The following CCDC6 variants were observed in gnomAD, a reference collection of about 807,000 sequenced individuals.
The protein encoded by CCDC6 is coiled-coil domain-containing protein 6.
Under a neutral mutation model 56.6 loss-of-function variants are expected in CCDC6, and 20 were observed. That is an observed-to-expected ratio of 0.35 (90% CI 0.25 to 0.51). The LOEUF is 0.51. CCDC6 is among the 20% of genes least tolerant of loss of function. CCDC6 has a pLI of 0.95. For missense variants in CCDC6, 367 were observed against 601.1 expected (o/e 0.61, Z 4.07); for synonymous variants, 241 against 234.4 (o/e 1.03, Z -0.26).
intron 1 of CCDC6, among the ~76,000 whole-genome samples, chr10:59,889,283 A>C (rs569413633): frequency 6.6e-6 from 1 of 152,190 alleles, no homozygotes; most frequent in Non-Finnish European, 1.5e-5. Context: ...AAAGCATTCT[A>C]TGGGAGGGGC....
chr10:59,897,728 T>C (rs756122835), intron 1 of CCDC6, among the ~76,000 whole-genome samples: 5 of 152,214 alleles, frequency 3.3e-5, no homozygotes, highest in South Asian at 2.1e-4. Flanking sequence ...TGTTCACTTA[T>C]AGAAGCAACA....
At chr10:59,886,920 CTG>C (rs571645417) in intron 1 of CCDC6, among the ~76,000 whole-genome samples, 50 of 152,262 alleles carry the variant, frequency 3.3e-4, no homozygotes, top group African/African-American at 1.2e-3. Context: ...AATGCAAAGA[CTG>C]TACTAATATG....
rs114059894 is a variant in CCDC6, at chr10:59,899,317, C to T, written c.303+6805G>A. 7.9e-3 allele frequency among the ~76,000 whole-genome samples: 1,199 copies of T among 152,264 alleles called. 21 individuals are homozygous for T. Among genetic ancestry groups the T allele is most frequent in the African/African-American group, 0.028 (1,156 of 41,536 alleles). ...GATTGAAAACAAAAAGCAACACCTA[C>T]CCACTAAGGAAAAAAAGTATGCAGA... On this transcript the variant is annotated intron_variant, in intron 1 of 8. Coordinates refer to ENST00000263102, the MANE Select transcript of CCDC6 (RefSeq NM_005436.5).
intron 1 of CCDC6, among the ~76,000 whole-genome samples, chr10:59,869,365 C>A: frequency 9.9e-6 from 1 of 100,908 alleles, no homozygotes; most frequent in Admixed American, 1.6e-4. Context: ...CTGTCCTAAG[C>A]AGTGAGACAT....
At chr10:59,800,209 G>C (rs993312453) in intron 7 of CCDC6, among the ~76,000 whole-genome samples, 1 of 152,132 alleles carries the variant, frequency 6.6e-6, no homozygotes, top group African/African-American at 2.4e-5. Flanking sequence ...ATTGACATTG[G>C]TATAATATTA....
intron 7 of CCDC6, among the ~76,000 whole-genome samples, chr10:59,803,676 A>T (rs544322948): frequency 6.6e-6 from 1 of 152,138 alleles, no homozygotes. Flanking sequence ...TGAGAGCCCC[A>T]TGCCATGCTG....
At chr10:59,838,530 T>C (rs904047015) in intron 2 of CCDC6, among the ~76,000 whole-genome samples, 1 of 152,168 alleles carries the variant, frequency 6.6e-6, no homozygotes, top group Admixed American at 6.5e-5. Context: ...ACTACTCAGT[T>C]GATGTGACAG....
In CCDC6 at chr10:59,792,796, G is replaced by A. The variant is rs2070479845; in HGVS notation, c.*121C>T. On this transcript the variant is annotated 3_prime_UTR_variant, in exon 9 of 9. Transcript: ENST00000263102. ...CATTTACAACACAATGGATAGTGAAGCCTAGATAACCTCAGTGCAAATAAG... is the reference window on the plus strand; with the variant it reads ...CATTTACAACACAATGGATAGTGAAACCTAGATAACCTCAGTGCAAATAAG... The A allele has an allele frequency of 2.0e-6, 2 of 997,854 alleles. No homozygotes were observed. Among genetic ancestry groups the A allele is most frequent in the African/African-American group, 1.6e-5 (1 of 63,422 alleles). The allele number at this position is 997,854 out of a possible 1,614,324, so 61.8% of individuals were successfully genotyped here.
chr10:59,822,348 C>T (rs568879771), intron 3 of CCDC6, among the ~76,000 whole-genome samples: 2 of 152,008 alleles, frequency 1.3e-5, no homozygotes, highest in Admixed American at 6.6e-5. Flanking sequence ...CAGATTAACA[C>T]AGTTTCTAGT....
At chr10:59,887,383 C>T (rs2071389927) in intron 1 of CCDC6, among the ~76,000 whole-genome samples, 1 of 151,484 alleles carries the variant, frequency 6.6e-6, no homozygotes. Context: ...AAATGACCTA[C>T]GTTCAAGGTG....
At chr10:59,825,406 C>A (rs969155399) in intron 3 of CCDC6, among the ~76,000 whole-genome samples, 1 of 152,182 alleles carries the variant, frequency 6.6e-6, no homozygotes, top group Non-Finnish European at 1.5e-5. Flanking sequence ...TGATTGTGGG[C>A]CTTCCCCAGC....
intron 1 of CCDC6, among the ~76,000 whole-genome samples, chr10:59,859,199 C>CGTGTGTGTGTGTGTGTGT (rs66648240): frequency 1.4e-4 from 19 of 137,260 alleles, no homozygotes; most frequent in African/African-American, 4.8e-4. Context: ...CATGTGTGTG[C>CGTGTGTGTGTGTGTGTGT]GTGTGTGTGT....
At chr10:59,864,156 C>G (rs1338110024) in intron 1 of CCDC6, among the ~76,000 whole-genome samples, 1 of 152,148 alleles carries the variant, frequency 6.6e-6, no homozygotes, top group Non-Finnish European at 1.5e-5. Flanking sequence ...GTCCTAAAAG[C>G]AAAGATTCAA....
chr10:59,880,226 G>A (rs1051317489), intron 1 of CCDC6, among the ~76,000 whole-genome samples: 3 of 151,990 alleles, frequency 2.0e-5, no homozygotes, highest in African/African-American at 7.3e-5. Context: ...ATGACACCGA[G>A]AGGACCACAT....
chr10:59,792,972 G>A lies in CCDC6; in HGVS notation c.1370C>T (p.Ala457Val). The stretch of plus-strand genomic sequence containing the variant: ...TTGCGAAGGAGTAGGCTGCGAGGTG[G>A]CTGCTGAGGGGACCGTGGGCTGCAT... ...PPMQPTVPSA[A>V]TSQPTPSQHS... The change falls in exon 9 of 9, where the codon GCC becomes GTC. Residue 457 changes from alanine (A) to valine (V), a missense_variant. By Grantham distance (64) the Ala-to-Val change is moderately conservative (BLOSUM62 0). This residue lies in a region of CCDC6 where 54 missense variants were observed against 60.0 expected (regional missense o/e 0.90). Coordinates refer to ENST00000263102, the MANE Select transcript of CCDC6 (RefSeq NM_005436.5). 1 of 1,612,742 alleles carries A rather than the reference G, an allele frequency of 6.2e-7. No individual in the cohort carries two copies. The highest frequency in any genetic ancestry group is 1.1e-5 in the South Asian group (1 of 90,876).
At chr10:59,858,965 A>G (rs556583050) in intron 1 of CCDC6, among the ~76,000 whole-genome samples, 13 of 152,272 alleles carry the variant, frequency 8.5e-5, no homozygotes, top group African/African-American at 3.1e-4. Context: ...ATATGACCCT[A>G]GCAGAGTCAT....
intron 1 of CCDC6, among the ~76,000 whole-genome samples, chr10:59,899,095 T>G (rs919659715): frequency 2.6e-5 from 4 of 152,018 alleles, no homozygotes; most frequent in African/African-American, 9.7e-5. Context: ...GATAAGAAAA[T>G]TTGACAGCCT....
In CCDC6 at chr10:59,789,458, C is replaced by T. The variant is rs1382061789; in HGVS notation, c.*3459G>A. ...AAAAAATTAAAGAAGAAAAAAAAAC[C>T]CTAAAAAACAAAGAAAAAAACAAAC... On this transcript the variant is annotated 3_prime_UTR_variant, in exon 9 of 9. Coordinates refer to ENST00000263102, the MANE Select transcript of CCDC6 (RefSeq NM_005436.5). The T allele has an allele frequency of 1.3e-5, 3 of 231,422 alleles. No homozygotes were observed. The Admixed American group carries it at 1.7e-4, about 13-fold the overall frequency. The allele number at this position is 231,422 out of a possible 1,614,324, so 14.3% of individuals were successfully genotyped here. A position where few individuals can be genotyped will look rare whatever the true frequency, so the allele number is the denominator to read the frequency against.
At chr10:59,799,245 A>T (rs1249357424) in intron 7 of CCDC6, among the ~76,000 whole-genome samples, 1 of 152,042 alleles carries the variant, frequency 6.6e-6, no homozygotes, top group Non-Finnish European at 1.5e-5. Flanking sequence ...AGCCTGGTCA[A>T]CACGGTGAAA....
Sources: gnomAD v4.1 joint callset for allele counts (sites outside exome capture counted in the v4.1 genomes callset) on GRCh38, gnomAD v4.1.1 for gene constraint, gnomAD v4.1.1 regional missense constraint, MANE v1.5 for transcripts, NCBI Gene and HGNC (gene_info 2026-07-23, HGNC 2026-07-21) for gene names.